TFEC: variants seen among roughly 807,000 people sequenced by gnomAD.
TFEC encodes the protein transcription factor EC, also known as class E basic helix-loop-helix protein 34.
A neutral mutation model predicts 41.6 loss-of-function variants in TFEC; 31 were observed. The observed-to-expected ratio is 0.74, with a 90% CI of 0.56 to 1.01. The LOEUF (loss-of-function observed/expected upper bound fraction) is 1.01. Among genes scored for constraint, TFEC ranks in the 50% least tolerant of loss-of-function variants. The pLI is 0.00. For synonymous variants in TFEC, 143 were observed against 140.6 expected, an observed-to-expected ratio of 1.02 and a Z score of -0.12; for missense variants, 402 against 404.1, an observed-to-expected ratio of 0.99 and a Z score of 0.04.
rs1793293830 is a variant in TFEC at position 115,937,634 on chromosome 7, C to G, written c.*2917G>C. The G allele has an allele frequency of 6.6e-6, 1 of 151,620 alleles. No individual in the cohort carries two copies. Among genetic ancestry groups the G allele is most frequent in the African/African-American group, 2.4e-5 (1 of 41,362 alleles). 9.4% of individuals were successfully genotyped at this position (151,620 alleles called of 1,614,324 possible). The stretch of plus-strand genomic sequence containing the variant: ...AAACGACTACTTCATAAATGAACAA[C>G]TTTTTTAGTGAATAATCTAAAGTTT... On this transcript the variant is annotated 3_prime_UTR_variant, in exon 8 of 8. Transcript: ENST00000265440.
intron 3 of TFEC, among the ~76,000 whole-genome samples, chr7:116,059,526 T>C (rs1796504443): frequency 6.6e-6 from 1 of 151,844 alleles, no homozygotes; most frequent in Non-Finnish European, 1.5e-5. Context: ...CAAAACCAGA[T>C]TTTACAAAAC....
chr7:115,941,072 A>G (rs2130179032), intron 7 of TFEC, 141 bp from the exon 8 acceptor site: 1 of 803,352 alleles, frequency 1.2e-6, no homozygotes, highest in South Asian at 2.4e-5. Flanking sequence ...TAATCTTTGC[A>G]AATAATGAAA....
intron 3 of TFEC, among the ~76,000 whole-genome samples, chr7:115,972,063 AC>A (rs1455680443): frequency 3.3e-5 from 5 of 151,928 alleles, no homozygotes; most frequent in African/African-American, 1.2e-4. Context: ...AGAGTTTCCT[AC>A]CCCTATTCTA....
intron 2 of TFEC, among the ~76,000 whole-genome samples, chr7:115,976,381 C>T (rs1169285635): frequency 1.3e-5 from 2 of 152,108 alleles, no homozygotes. Flanking sequence ...GCAGAGATTG[C>T]ACCACTGCAC....
At chr7:116,037,956 G>T (rs889062124) in intron 3 of TFEC, among the ~76,000 whole-genome samples, 1 of 151,916 alleles carries the variant, frequency 6.6e-6, no homozygotes, top group Non-Finnish European at 1.5e-5. Context: ...CTGCTAAAAC[G>T]CATTTCATCT....
rs117945061 is a variant in TFEC, at chr7:115,981,903, A to C, written c.180+2359T>G. ...AGTGGTAAACCCATAGAGCTGAAAC[A>C]TGAAGCTCTATGGGGATACTGAAGG... On this transcript the variant is annotated intron_variant, in intron 2 of 7. Transcript: ENST00000265440. 1.9e-3 allele frequency among the ~76,000 whole-genome samples: 295 copies of C among 152,314 alleles called. 1 individual carries two copies. Among genetic ancestry groups the C allele is most frequent in the Non-Finnish European group, 3.4e-3 (231 of 68,020 alleles).
chr7:116,097,460 T>G lies in TFEC; in HGVS notation c.198+13248A>C, dbSNP rs148460891. 3.3e-5 allele frequency among the ~76,000 whole-genome samples: 5 copies of G among 152,320 alleles called. No individual in the cohort carries two copies. In the East Asian group the frequency reaches 5.8e-4, roughly 18 times the overall value. ...GCCAACATCAATATTCTTGCATTTT[T>G]GGGCCATTATTAAGTAAAATAAGGG... On this transcript the variant is annotated intron_variant, in intron 3 of 8. Coordinates refer to the TFEC transcript ENST00000484212.
At chr7:116,081,967 T>A (rs1404241) in intron 3 of TFEC, among the ~76,000 whole-genome samples, 1 of 151,834 alleles carries the variant, frequency 6.6e-6, no homozygotes, top group South Asian at 2.1e-4. Context: ...TTCATGTATA[T>A]GTATTTAGTG....
chr7:116,102,010 T>A (rs1193128168), intron 3 of TFEC, among the ~76,000 whole-genome samples: 1 of 152,166 alleles, frequency 6.6e-6, no homozygotes, highest in Non-Finnish European at 1.5e-5. Context: ...ATTCTTTAAT[T>A]TTTATCATAA....
At chr7:115,956,885 T>G in intron 3 of TFEC, 92 bp from the exon 4 acceptor site, 1 of 705,870 alleles carries the variant, frequency 1.4e-6, no homozygotes, top group Non-Finnish European at 2.0e-6. Context: ...ACTTTAAATG[T>G]GGCATTTTGT....
At chr7:116,099,481 G>A (rs774153974) in intron 3 of TFEC, among the ~76,000 whole-genome samples, 10 of 152,122 alleles carry the variant, frequency 6.6e-5, no homozygotes, top group Non-Finnish European at 1.2e-4. Flanking sequence ...TTGGCTGAAG[G>A]GACAACATAC....
chr7:116,062,603 CAT>C (rs1796595364), intron 3 of TFEC, among the ~76,000 whole-genome samples: 1 of 89,400 alleles, frequency 1.1e-5, no homozygotes, highest in African/African-American at 4.1e-5. Context: ...ATATATATCA[CAT>C]TTTTTTACTT....
Position 115,992,812 on chromosome 7 carries a change from C to T in TFEC, c.-72-8299G>A, listed in dbSNP as rs998767365. Among the ~76,000 whole-genome samples, 7 of 152,230 alleles carry T rather than the reference C, an allele frequency of 4.6e-5. No individual in the cohort carries two copies. The East Asian group carries it at 5.8e-4, about 13-fold the overall frequency. On this transcript the variant is annotated intron_variant, in intron 1 of 7. Coordinates refer to ENST00000265440, the MANE Select transcript of TFEC (RefSeq NM_012252.4). Reference sequence around the variant, plus strand: ...TGGTACCATTCCTTCTGAAACTATTCCAATCAATAGAAAAAGAGGGAATCC... The same window carrying T: ...TGGTACCATTCCTTCTGAAACTATTTCAATCAATAGAAAAAGAGGGAATCC...
chr7:115,942,473 T>C (rs938780739), intron 6 of TFEC, among the ~76,000 whole-genome samples: 6 of 152,032 alleles, frequency 3.9e-5, no homozygotes, highest in South Asian at 2.1e-4. Context: ...TAACCTATTT[T>C]CTAATAAGGT....
intron 6 of TFEC, among the ~76,000 whole-genome samples, chr7:115,943,670 G>A (rs936377571): frequency 6.6e-6 from 1 of 151,454 alleles, no homozygotes; most frequent in Non-Finnish European, 1.5e-5. Flanking sequence ...TTTCAACAAA[G>A]TAGGCATTAC....
intron 3 of TFEC, among the ~76,000 whole-genome samples, chr7:115,957,648 TA>T (rs1242767211): frequency 1.3e-5 from 2 of 151,948 alleles, no homozygotes; most frequent in African/African-American, 2.4e-5. Context: ...TTTGAAATTT[TA>T]AGATATTTCC....
Position 116,088,127 on chromosome 7 carries a change from T to C in TFEC, c.198+22581A>G, listed in dbSNP as rs188226495. ...TCCTGTGCCTAGAGTACTTTTTCCT[T>C]GCCCCCTACTACTCCAGTCTTTTCT... is the stretch of plus-strand genomic sequence containing the variant. On this transcript the variant is annotated intron_variant, in intron 3 of 8. Coordinates refer to the TFEC transcript ENST00000484212. 1.2e-4 allele frequency among the ~76,000 whole-genome samples: 19 copies of C among 152,194 alleles called. No individual in the cohort carries two copies. The East Asian group carries it at 3.7e-3, about 29-fold the overall frequency.
chr7:116,044,096 TAA>T (rs1431556188), intron 3 of TFEC, among the ~76,000 whole-genome samples: 1 of 152,218 alleles, frequency 6.6e-6, no homozygotes, highest in Non-Finnish European at 1.5e-5. Flanking sequence ...AATTAGAATC[TAA>T]GTCTTTCACT....
At chr7:116,116,465 A>G (rs1325054441) in intron 1 of TFEC, among the ~76,000 whole-genome samples, 3 of 151,920 alleles carry the variant, frequency 2.0e-5, no homozygotes, top group Non-Finnish European at 4.4e-5. Flanking sequence ...TGTTACACCA[A>G]TGAAAAAGGC....
Sources: gnomAD v4.1 joint callset for allele counts (sites outside exome capture counted in the v4.1 genomes callset) on GRCh38, gnomAD v4.1.1 for gene constraint, MANE v1.5 for transcripts, NCBI Gene and HGNC (gene_info 2026-07-23, HGNC 2026-07-21) for gene names.